ALOX5: variants seen among roughly 807,000 people sequenced by gnomAD.
ALOX5 encodes the protein arachidonate 5-lipoxygenase, also known as polyunsaturated fatty acid 5-lipoxygenase.
ALOX5 carries 64 observed loss-of-function variants against 87.9 expected under a neutral mutation model. That is an observed-to-expected ratio of 0.73 (90% CI 0.60 to 0.90). The LOEUF (loss-of-function observed/expected upper bound fraction) is 0.90. Among genes scored for constraint, ALOX5 ranks in the 40% least tolerant of loss-of-function variants. The probability of loss-of-function intolerance (pLI) is 0.00; values close to 1 mark genes in which losing one functional copy is unlikely to be tolerated. For synonymous variants in ALOX5, 388 were observed against 355.1 expected (o/e 1.09, Z -1.04); for missense variants, 822 against 907.5 (o/e 0.91, Z 1.21).
chr10:45,430,631 T>TA (rs757476574), intron 7 of ALOX5, among the ~76,000 whole-genome samples: 73 of 141,612 alleles, frequency 5.2e-4, no homozygotes, highest in African/African-American at 8.3e-4. Flanking sequence ...CCCCGTCTCT[T>TA]AAAAAAAAAA....
In ALOX5 at chr10:45,425,669, G is replaced by A. The variant is rs1042355604; in HGVS notation, c.834+537G>A. ...CCTGCAGACTCAGCTGCCTCCGGCT[G>A]CAAGGCTGACCTAGTCTTGAGACAG... is the stretch of plus-strand genomic sequence containing the variant. On this transcript the variant is annotated intron_variant, in intron 6 of 13. Coordinates refer to ENST00000374391, the MANE Select transcript of ALOX5 (RefSeq NM_000698.5). This position sits in a 1 kb window ranked among gnomAD's most constrained non-coding sequence, Gnocchi z 4.4. 1.3e-5 allele frequency among the ~76,000 whole-genome samples: 2 copies of A among 152,196 alleles called. No homozygotes were observed. The highest frequency in any genetic ancestry group is 2.9e-5 in the Non-Finnish European group (2 of 68,026).
In ALOX5 at chr10:45,420,955, G is replaced by A. The variant is rs934090490; in HGVS notation, c.555-3086G>A. Among the ~76,000 whole-genome samples, 4 of 152,242 alleles carry A rather than the reference G, an allele frequency of 2.6e-5. 1 individual carries two copies. The highest frequency in any genetic ancestry group is 5.9e-5 in the Non-Finnish European group (4 of 68,052). On this transcript the variant is annotated intron_variant, in intron 4 of 13. Transcript: ENST00000374391. ...GGGTGGGGGGCTCACCGGGCACATGGCCAACAGCTGGTGCCCAGCCTGGGC... is the reference window on the plus strand; with the variant it reads ...GGGTGGGGGGCTCACCGGGCACATGACCAACAGCTGGTGCCCAGCCTGGGC...
intron 1 of ALOX5, among the ~76,000 whole-genome samples, chr10:45,375,340 C>G (rs985557409): frequency 6.6e-6 from 1 of 152,148 alleles, no homozygotes; most frequent in Non-Finnish European, 1.5e-5. Context: ...GGTCGCAGTT[C>G]TCACTGAGCC....
chr10:45,425,124 G>A lies in ALOX5; in HGVS notation c.826G>A (p.Glu276Lys). ...SLERQLSLEQ[E>K]VQQGNIFIVD... ...GGAGCGGCAGCTCAGCTTGGAGCAG[G>A]AGGTCCAGGTAGGGGTTGATGGGCT... Residue 276 changes from glutamate to lysine, a missense_variant, in exon 6 of 14, where the codon GAG becomes AAG. Physicochemically the swap from Glu to Lys is moderately conservative, Grantham distance 56 (BLOSUM62 1). Coordinates refer to ENST00000374391, the MANE Select transcript of ALOX5 (RefSeq NM_000698.5). The surrounding 1 kb of genome is among the most constrained non-coding windows in gnomAD (Gnocchi z 4.4). 3.1e-6 allele frequency: 5 copies of A among 1,613,672 alleles called. No homozygotes were observed. The highest frequency in any genetic ancestry group is 4.2e-6 in the Non-Finnish European group (5 of 1,179,932).
chr10:45,400,759 G>A (rs934187), intron 3 of ALOX5, among the ~76,000 whole-genome samples: 105,797 of 152,076 alleles, frequency 0.7, 37,430 homozygotes, highest in East Asian at 0.86. Flanking sequence ...ACAGAGTCAG[G>A]TTAGTAGGTG....
At chr10:45,431,588 T>TTTAC (rs1020175565) in intron 7 of ALOX5, among the ~76,000 whole-genome samples, 24 of 150,328 alleles carry the variant, frequency 1.6e-4, no homozygotes, top group African/African-American at 5.2e-4. Context: ...TATTTATTTA[T>TTTAC]TTGAGATGGA....
At chr10:45,394,350 G>T (rs1291730708) in intron 2 of ALOX5, among the ~76,000 whole-genome samples, 1 of 152,136 alleles carries the variant, frequency 6.6e-6, no homozygotes, top group Non-Finnish European at 1.5e-5. Context: ...AACAAGCAAT[G>T]GGGAAAGGAT....
chr10:45,381,645 G>C (rs1237014609), intron 1 of ALOX5, among the ~76,000 whole-genome samples: 1 of 152,182 alleles, frequency 6.6e-6, no homozygotes, highest in Non-Finnish European at 1.5e-5. Context: ...GCACAGCCTC[G>C]CAGGTGCAGG....
chr10:45,393,226 C>G (rs1229676678), intron 2 of ALOX5, among the ~76,000 whole-genome samples: 1 of 152,158 alleles, frequency 6.6e-6, no homozygotes, highest in Non-Finnish European at 1.5e-5. Flanking sequence ...CAAACCGAAT[C>G]CAGCAGCACA....
chr10:45,424,252 C>T (rs1841614431), intron 5 of ALOX5, 105 bp downstream of exon 5: 1 of 973,390 alleles, frequency 1.0e-6, no homozygotes, highest in Non-Finnish European at 1.6e-6. Context: ...CCTGCTGCAG[C>T]ATGGGGGCCT....
rs547187734 is a variant in ALOX5 at position 45,431,627 on chromosome 10, C to T, written c.981+2863C>T. 7.9e-5 allele frequency among the ~76,000 whole-genome samples: 12 copies of T among 152,004 alleles called. No individual in the cohort carries two copies. The East Asian group carries it at 2.1e-3, about 27-fold the overall frequency. On this transcript the variant is annotated intron_variant, in intron 7 of 13. Transcript: ENST00000374391. ...TCGCACTGTCACCCAGGCTAGAGTG[C>T]AGTGGCGTGATCTCGGCTCACTGCA...
At chr10:45,408,805 A>G (rs1016856346) in intron 3 of ALOX5, among the ~76,000 whole-genome samples, 2 of 152,150 alleles carry the variant, frequency 1.3e-5, no homozygotes, top group Non-Finnish European at 2.9e-5. Flanking sequence ...TCATAGTTTC[A>G]TTTATGGCTT....
chr10:45,414,285 A>G (rs1841184175), intron 4 of ALOX5, among the ~76,000 whole-genome samples: 1 of 152,100 alleles, frequency 6.6e-6, no homozygotes, highest in African/African-American at 2.4e-5. Context: ...ATAACACCAC[A>G]CATCTACAAC....
intron 4 of ALOX5, among the ~76,000 whole-genome samples, chr10:45,417,366 C>T (rs1841334518): frequency 6.6e-6 from 1 of 152,194 alleles, no homozygotes; most frequent in South Asian, 2.1e-4. Context: ...TTTAGGGCTA[C>T]TGGTGGATTC....
intron 2 of ALOX5, among the ~76,000 whole-genome samples, chr10:45,386,820 G>C (rs1840024813): frequency 6.6e-6 from 1 of 152,152 alleles, no homozygotes; most frequent in Admixed American, 6.5e-5. Flanking sequence ...TTAAGCAATA[G>C]TTTAAAGAGT....
chr10:45,384,677 A>G (rs1588983154), intron 2 of ALOX5, among the ~76,000 whole-genome samples: 2 of 152,060 alleles, frequency 1.3e-5, no homozygotes, highest in Admixed American at 6.5e-5. Context: ...GAAGCTGCCA[A>G]TCTCTTCAGG....
chr10:45,402,086 C>CAAAAAAAA (rs10649706), intron 3 of ALOX5, among the ~76,000 whole-genome samples: 2 of 101,130 alleles, frequency 2.0e-5, no homozygotes, highest in African/African-American at 3.8e-5. Flanking sequence ...GACTCCGTCT[C>CAAAAAAAA]AAAAAAAAAA....
intron 1 of ALOX5, among the ~76,000 whole-genome samples, chr10:45,374,756 C>T (rs1839532192): frequency 6.6e-6 from 1 of 152,210 alleles, no homozygotes; most frequent in Non-Finnish European, 1.5e-5. Flanking sequence ...ACTTCAAGAT[C>T]TGGGCTCCGA....
At chr10:45,440,669 G>A in intron 8 of ALOX5, 36 bp downstream of exon 8, 2 of 1,603,826 alleles carry the variant, frequency 1.2e-6, no homozygotes, top group South Asian at 2.2e-5. Context: ...CTATGGGAGG[G>A]CATCTGAGAT....
Sources: gnomAD v4.1 joint callset for allele counts (sites outside exome capture counted in the v4.1 genomes callset) on GRCh38, gnomAD v4.1.1 for gene constraint, Gnocchi (gnomAD v3.1) non-coding constraint, MANE v1.5 for transcripts, NCBI Gene and HGNC (gene_info 2026-07-23, HGNC 2026-07-21) for gene names.